The following OR4M1 variants were observed in gnomAD, a reference collection of about 807,000 sequenced individuals.
OR4M1 encodes olfactory receptor 4M1.
OR4M1 carries 7 observed loss-of-function variants against 9.8 expected under a neutral mutation model. The ratio of observed to expected loss-of-function variants is 0.71; its 90% confidence interval spans 0.41 to 1.34. The LOEUF (loss-of-function observed/expected upper bound fraction) is 1.34. Ranked by LOEUF, OR4M1 falls within the 40% of genes most tolerant of loss-of-function variation. The probability of loss-of-function intolerance (pLI) is 0.01; values close to 1 mark genes in which losing one functional copy is unlikely to be tolerated. For synonymous variants in OR4M1, 121 were observed against 139.8 expected (o/e 0.87, Z 0.95); for missense variants, 331 against 380.4 (o/e 0.87, Z 1.08).
intron 1 of OR4M1, among the ~76,000 whole-genome samples, chr14:19,775,336 C>T (rs1392798882): frequency 3.3e-5 from 5 of 152,236 alleles, no homozygotes; most frequent in East Asian, 3.9e-4. Context: ...TATATTCCTT[C>T]TGACACTGTC....
chr14:19,781,256 G>C lies in OR4M1; in HGVS notation c.934G>C (p.Glu312Gln). 6.2e-7 allele frequency: 1 copy of C among 1,605,102 alleles called. No homozygotes were observed. Among genetic ancestry groups the C allele is most frequent in the Non-Finnish European group, 8.5e-7 (1 of 1,174,376 alleles). Reference protein sequence around the residue: ...KVVTKYILCEEK With the variant: ...KVVTKYILCEQK The stretch of plus-strand genomic sequence containing the variant: ...GGTCACCAAATATATTTTGTGTGAA[G>C]AGAAGTGAAAGATAAATTATACATT... Residue 312 changes from glutamate to glutamine, a missense_variant, in exon 2 of 2, where the codon GAG (glutamate) becomes CAG (glutamine). Physicochemically the swap from Glu to Gln is conservative, Grantham distance 29. Transcript: ENST00000641200.
chr14:19,780,490 T>C lies in OR4M1; in HGVS notation c.168T>C (p.Thr56=), dbSNP rs148936935. 1.1e-3 allele frequency: 1,814 copies of C among 1,613,598 alleles called. 5 individuals are homozygous for C. In the Middle Eastern group the frequency reaches 0.015, roughly 13 times the overall value. The change falls in exon 2 of 2, where the codon ACT becomes ACC. Residue 56 remains threonine, a synonymous_variant. Coordinates refer to ENST00000641200, the MANE Select transcript of OR4M1 (RefSeq NM_001005500.2). ...CCATCAGGCTAGACCCTCATCTGACTTCTCCTATGTATTTCCTGTTGGCTA... is the reference window on the plus strand; with the variant it reads ...CCATCAGGCTAGACCCTCATCTGACCTCTCCTATGTATTTCCTGTTGGCTA... ...ICTIRLDPHL[T]SPMYFLLANL... is the part of the protein sequence containing the mutation.
chr14:19,779,105 G>T (rs569738625), intron 1 of OR4M1, among the ~76,000 whole-genome samples: 36 of 152,246 alleles, frequency 2.4e-4, no homozygotes, highest in African/African-American at 8.7e-4. Flanking sequence ...ATTTATCTAT[G>T]TTTGTTAAAA....
In OR4M1 at chr14:19,783,084, T is replaced by A. The variant is rs1363097268; in HGVS notation, c.*1820T>A. On this transcript the variant is annotated 3_prime_UTR_variant, in exon 2 of 2. Coordinates refer to ENST00000641200, the MANE Select transcript of OR4M1 (RefSeq NM_001005500.2). ...TATTTACTGAAAATACTGAAGCTAG[T>A]AATACAAAGGAAAAAGGCATAAAAA... 3 of 152,246 alleles carry A rather than the reference T, an allele frequency of 2.0e-5. No individual in the cohort carries two copies. The highest frequency in any genetic ancestry group is 2.9e-5 in the Non-Finnish European group (2 of 68,060). The allele number at this position is 152,246 out of a possible 1,614,324, so 9.4% of individuals were successfully genotyped here. A position where few individuals can be genotyped will look rare whatever the true frequency, so the allele number is the denominator to read the frequency against.
At chr14:19,778,827 T>A (rs1594377073) in intron 1 of OR4M1, among the ~76,000 whole-genome samples, 2 of 152,188 alleles carry the variant, frequency 1.3e-5, no homozygotes, top group Non-Finnish European at 1.5e-5. Context: ...TTCTTTTGAT[T>A]AAATCTTCCT....
rs1400271130 is a variant in OR4M1 at position 19,775,608 on chromosome 14, G to GTA, written c.-30+2022_-30+2023dup. ...GTAAATATATAATTATAATATATAAGTATATATAATTTATATTATATATAA... is the reference window on the plus strand; with the variant it reads ...GTAAATATATAATTATAATATATAAGTATATATATAATTTATATTATATATAA... On this transcript the variant is annotated intron_variant, in intron 1 of 1. Coordinates refer to ENST00000641200, the MANE Select transcript of OR4M1 (RefSeq NM_001005500.2). 7.2e-4 allele frequency among the ~76,000 whole-genome samples: 105 copies of GTA among 145,766 alleles called. 1 individual carries two copies. The highest frequency in any genetic ancestry group is 3.6e-3 in the Middle Eastern group (1 of 274).
At chr14:19,776,223 C>T (rs1878305557) in intron 1 of OR4M1, among the ~76,000 whole-genome samples, 1 of 152,214 alleles carries the variant, frequency 6.6e-6, no homozygotes, top group African/African-American at 2.4e-5. Context: ...GAGAATTTTA[C>T]TCTTCATAGG....
chr14:19,775,847 C>T (rs1349246533), intron 1 of OR4M1, among the ~76,000 whole-genome samples: 3 of 149,444 alleles, frequency 2.0e-5, no homozygotes, highest in African/African-American at 7.3e-5. Flanking sequence ...AAATAAGCAG[C>T]AAATGATCTT....
chr14:19,781,284 A>G lies in OR4M1; in HGVS notation c.*20A>G, dbSNP rs750736147. 6.4e-7 allele frequency: 1 copy of G among 1,563,514 alleles called. No homozygotes were observed. On this transcript the variant is annotated 3_prime_UTR_variant, in exon 2 of 2. Transcript: ENST00000641200. ...AAGTGAAAGATAAATTATACATTTT[A>G]TAGTCCTCCTGAGGATCATTGTCCT...
intron 1 of OR4M1, 180 bp from the exon 2 acceptor site, chr14:19,780,114 C>T (rs1878423288): frequency 1.2e-5 from 7 of 586,368 alleles, no homozygotes; most frequent in Admixed American, 3.5e-5. Flanking sequence ...TTTTAGTGTT[C>T]CCAATTTATA....
rs1878475799 is a variant in OR4M1 at position 19,780,986 on chromosome 14, C to T, written c.664C>T (p.Leu222=). 7 of 1,614,226 alleles carry T rather than the reference C, an allele frequency of 4.3e-6. No individual in the cohort carries two copies. The highest frequency in any genetic ancestry group is 5.9e-6 in the Non-Finnish European group (7 of 1,180,034). Residue 222 remains leucine (L), a synonymous_variant, in exon 2 of 2, where the codon CTG becomes TTG. Coordinates refer to ENST00000641200, the MANE Select transcript of OR4M1 (RefSeq NM_001005500.2). The part of the protein sequence containing the change: ...IALLMSYAFL[L]ALLKKHSGSG... The stretch of plus-strand genomic sequence containing the variant: ...TCTGTTAATGTCCTATGCCTTCCTT[C>T]TGGCCTTGCTCAAGAAACATTCAGG...
At chr14:19,778,332 G>C (rs1337827017) in intron 1 of OR4M1, among the ~76,000 whole-genome samples, 1 of 152,216 alleles carries the variant, frequency 6.6e-6, no homozygotes, top group African/African-American at 2.4e-5. Context: ...GTATGGAGTA[G>C]AGCAGAGGAG....
At chr14:19,777,560 C>T (rs1878349839) in intron 1 of OR4M1, among the ~76,000 whole-genome samples, 1 of 151,928 alleles carries the variant, frequency 6.6e-6, no homozygotes. Context: ...TCTATATTTT[C>T]AGAATGGAAG....
chr14:19,779,700 T>C (rs1448123401), intron 1 of OR4M1, among the ~76,000 whole-genome samples: 2 of 152,252 alleles, frequency 1.3e-5, no homozygotes, highest in South Asian at 2.1e-4. Flanking sequence ...GGGCCTTGCA[T>C]AGCTGTATGT....
chr14:19,777,403 C>T (rs1229528938), intron 1 of OR4M1, among the ~76,000 whole-genome samples: 1 of 152,112 alleles, frequency 6.6e-6, no homozygotes, highest in Non-Finnish European at 1.5e-5. Flanking sequence ...TAAAATACTC[C>T]ATCACACACA....
At chr14:19,777,532 T>G (rs1392556336) in intron 1 of OR4M1, among the ~76,000 whole-genome samples, 1 of 152,196 alleles carries the variant, frequency 6.6e-6, no homozygotes, top group African/African-American at 2.4e-5. Flanking sequence ...TTTTATTTGC[T>G]TGTTTACTTA....
In OR4M1 at chr14:19,781,504, A is replaced by C. The variant is rs1297919701; in HGVS notation, c.*240A>C. The C allele has an allele frequency of 4.1e-6, 2 of 490,226 alleles. No individual in the cohort carries two copies. The highest frequency in any genetic ancestry group is 7.5e-5 in the Admixed American group (2 of 26,526). 30.4% of individuals were successfully genotyped at this position (490,226 alleles called of 1,614,324 possible). On this transcript the variant is annotated 3_prime_UTR_variant, in exon 2 of 2. Transcript: ENST00000641200. Reference sequence around the variant, plus strand: ...CATTATTAGAATTTGAGATATAATAATAATCTGCTAAAGTACATTTTAACT... The same window carrying C: ...CATTATTAGAATTTGAGATATAATACTAATCTGCTAAAGTACATTTTAACT...
Position 19,780,459 on chromosome 14 carries a change from T to G in OR4M1, c.137T>G (p.Ile46Ser), listed in dbSNP as rs1321085461. Residue 46 changes from isoleucine to serine, a missense_variant, in exon 2 of 2, where the codon ATT (isoleucine) becomes AGT (serine). By Grantham distance (142) the Ile-to-Ser change is moderately radical (BLOSUM62 -2). Coordinates refer to ENST00000641200, the MANE Select transcript of OR4M1 (RefSeq NM_001005500.2). ...LFILPGNILI[I>S]CTIRLDPHLT... ...ATCCTACCAGGAAATATCCTTATCA[T>G]TTGCACCATCAGGCTAGACCCTCAT... 2 of 1,614,048 alleles carry G rather than the reference T, an allele frequency of 1.2e-6. No homozygotes were observed. Among genetic ancestry groups the G allele is most frequent in the African/African-American group, 2.7e-5 (2 of 74,932 alleles).
chr14:19,780,961 T>C lies in OR4M1; in HGVS notation c.639T>C (p.Ala213=). ...TGATCTCTGTGGTGTGTTTCATTGC[T>C]CTGTTAATGTCCTATGCCTTCCTTC... ...SGLISVVCFI[A]LLMSYAFLLA... is the part of the protein sequence containing the mutation. Residue 213 remains alanine (A), a synonymous_variant, in exon 2 of 2, where the codon GCT becomes GCC. Coordinates refer to ENST00000641200, the MANE Select transcript of OR4M1 (RefSeq NM_001005500.2). 6.2e-7 allele frequency: 1 copy of C among 1,614,214 alleles called. No homozygotes were observed. The highest frequency in any genetic ancestry group is 8.5e-7 in the Non-Finnish European group (1 of 1,180,010).
Sources: gnomAD v4.1 joint callset for allele counts (sites outside exome capture counted in the v4.1 genomes callset) on GRCh38, gnomAD v4.1.1 for gene constraint, MANE v1.5 for transcripts, NCBI Gene and HGNC (gene_info 2026-07-23, HGNC 2026-07-21) for gene names.